The following ZNF705G variants were observed in gnomAD, a reference collection of about 807,000 sequenced individuals.
ZNF705G encodes the protein putative zinc finger protein 705G.
ZNF705G carries 23 observed loss-of-function variants against 19.6 expected under a neutral mutation model. That is an observed-to-expected ratio of 1.17 (90% CI 0.84 to 1.66). ZNF705G has a LOEUF of 1.66. Among genes scored for constraint, ZNF705G ranks in the 40% most tolerant of loss-of-function variants. The pLI is 0.00. For missense variants in ZNF705G, 457 were observed against 354.4 expected (o/e 1.29, Z -2.32); for synonymous variants, 146 against 117.7 (o/e 1.24, Z -1.56).
At chr8:7,383,530 T>C (rs1169066687) in intron 1 of ZNF705G, among the ~76,000 whole-genome samples, 2 of 146,506 alleles carry the variant, frequency 1.4e-5, no homozygotes, top group South Asian at 2.1e-4. Flanking sequence ...CATGAATGAA[T>C]AAATTGACAG....
Position 7,363,584 on chromosome 8 carries a change from G to A in ZNF705G, c.-71-567C>T, listed in dbSNP as rs1454065389. ...GCCTGTAATCCCAGCACTTTGGGAG[G>A]CCAAGGCACGTGGATCACCTGAGGT... On this transcript the variant is annotated intron_variant, in intron 2 of 6. Coordinates refer to ENST00000400156, the MANE Select transcript of ZNF705G (RefSeq NM_001164457.3). Among the ~76,000 whole-genome samples the A allele has an allele frequency of 3.3e-5, 5 of 149,646 alleles. 1 individual carries two copies. Among genetic ancestry groups the A allele is most frequent in the African/African-American group, 7.7e-5 (3 of 39,028 alleles).
chr8:7,371,927 T>C (rs1260083548), intron 2 of ZNF705G, among the ~76,000 whole-genome samples: 192 of 61,136 alleles, frequency 3.1e-3, no homozygotes, highest in African/African-American at 0.011. Context: ...TTGTTTAAGC[T>C]ACTTTGTTCA....
rs1806338831 is a variant in ZNF705G, at chr8:7,357,713, C to G, written c.*263G>C. On this transcript the variant is annotated 3_prime_UTR_variant, in exon 7 of 7. Transcript: ENST00000400156. ...AGAATAAAGGTAACTGAAGTATCTT[C>G]CATGTTGATTACAGTATTTCTTCAA... 5 of 624,280 alleles carry G rather than the reference C, an allele frequency of 8.0e-6. No homozygotes were observed. In the South Asian group the frequency reaches 1.1e-4, roughly 13 times the overall value. 38.7% of individuals were successfully genotyped at this position (624,280 alleles called of 1,614,324 possible). A position where few individuals can be genotyped will look rare whatever the true frequency, so the allele number is the denominator to read the frequency against.
intron 2 of ZNF705G, among the ~76,000 whole-genome samples, chr8:7,369,471 T>C (rs985545904): frequency 1.3e-5 from 2 of 149,616 alleles, no homozygotes; most frequent in African/African-American, 5.1e-5. Flanking sequence ...GTAGATCCAC[T>C]GTCAGCTTGC....
At chr8:7,361,267 A>G (rs1259890714) in intron 3 of ZNF705G, 31 bp from the exon 4 acceptor site, 1 of 1,592,610 alleles carries the variant, frequency 6.3e-7, no homozygotes, top group South Asian at 1.1e-5. Context: ...TAGTTTAGAC[A>G]GAGAAATTCC....
chr8:7,367,673 T>A (rs1004166170), intron 2 of ZNF705G, among the ~76,000 whole-genome samples: 1 of 149,670 alleles, frequency 6.7e-6, no homozygotes, highest in Non-Finnish European at 1.5e-5. Context: ...CCTTCAGGCA[T>A]CTGCTCGGGT....
chr8:7,371,210 C>A (rs1182755831), intron 2 of ZNF705G, among the ~76,000 whole-genome samples: 1 of 114,844 alleles, frequency 8.7e-6, no homozygotes, highest in African/African-American at 3.2e-5. Context: ...AATAGGCCAA[C>A]CACAGAATGA....
chr8:7,362,840 G>A, intron 3 of ZNF705G, 95 bp downstream of exon 3: 13 of 1,584,346 alleles, frequency 8.2e-6, no homozygotes, highest in Non-Finnish European at 1.0e-5. Context: ...AACAAAAAAA[G>A]AATAAAAATG....
Position 7,358,229 on chromosome 8 carries a change from C to G in ZNF705G, c.650G>C (p.Arg217Thr). 6.2e-7 allele frequency: 1 copy of G among 1,607,628 alleles called. No individual in the cohort carries two copies. Among genetic ancestry groups the G allele is most frequent in the Non-Finnish European group, 8.5e-7 (1 of 1,179,618 alleles). ...KAFTQCSHLR[R>T]HEKTHTGQRP... The stretch of plus-strand genomic sequence containing the variant: ...CTGTCCCGTGTGAGTTTTCTCGTGT[C>G]TTCTAAGGTGAGAACACTGAGTGAA... The change falls in exon 7 of 7, where the codon AGA becomes ACA. Residue 217 changes from arginine (R) to threonine (T), a missense_variant. By Grantham distance (71) the Arg-to-Thr change is moderately conservative. Transcript: ENST00000400156.
At position 7,358,450 on chromosome 8, in the gene ZNF705G, G is replaced by A; in HGVS notation, c.429C>T (p.Pro143=). Residue 143 remains proline (P), a synonymous_variant, in exon 7 of 7, where the codon CCC becomes CCT. Transcript: ENST00000400156. ...QCLLTHSGKK[P]YVSKQCGKSL... is the part of the protein sequence containing the mutation. ...ATTTTCCACACTGTTTGCTGACATA[G>A]GGTTTCTTTCCACTATGAGTTAACA... 6 of 1,607,640 alleles carry A rather than the reference G, an allele frequency of 3.7e-6. No homozygotes were observed. Among genetic ancestry groups the A allele is most frequent in the South Asian group, 1.1e-5 (1 of 90,708 alleles).
chr8:7,366,432 A>C (rs1443690041), intron 2 of ZNF705G, among the ~76,000 whole-genome samples: 2 of 149,762 alleles, frequency 1.3e-5, no homozygotes, highest in East Asian at 1.9e-4. Flanking sequence ...CACATTTTAA[A>C]AAAAGGAATA....
chr8:7,365,789 C>T (rs1585416143), intron 2 of ZNF705G, among the ~76,000 whole-genome samples: 1 of 149,584 alleles, frequency 6.7e-6, no homozygotes, highest in South Asian at 2.1e-4. Context: ...CCTTTCACGG[C>T]TATTTAGACA....
At chr8:7,384,963 G>C (rs1206040192) in intron 1 of ZNF705G, among the ~76,000 whole-genome samples, 1 of 145,994 alleles carries the variant, frequency 6.8e-6, no homozygotes, top group East Asian at 2.0e-4. Flanking sequence ...GCTGGGATTT[G>C]AACTATCCAC....
intron 1 of ZNF705G, among the ~76,000 whole-genome samples, chr8:7,382,310 A>G (rs1006842530): frequency 6.8e-6 from 1 of 148,078 alleles, no homozygotes; most frequent in Non-Finnish European, 1.5e-5. Flanking sequence ...TCATGATTAC[A>G]GATCCAAGTC....
intron 2 of ZNF705G, among the ~76,000 whole-genome samples, chr8:7,366,174 C>T (rs1464434806): frequency 6.4e-5 from 7 of 110,162 alleles, no homozygotes; most frequent in East Asian, 2.5e-4. Flanking sequence ...ATTATCTTGA[C>T]GGGATTGCAA....
rs937880973 is a variant in ZNF705G, at chr8:7,384,259, A to G, written c.-222+1239T>C. Among the ~76,000 whole-genome samples, 8 of 143,064 alleles carry G rather than the reference A, an allele frequency of 5.6e-5. 2 individuals carry two copies. The highest frequency in any genetic ancestry group is 2.4e-4 in the African/African-American group (8 of 33,234). The allele number at this position is 143,064 out of a possible 152,430, so 93.9% of individuals were successfully genotyped here. A position where few individuals can be genotyped will look rare whatever the true frequency, so the allele number is the denominator to read the frequency against. On this transcript the variant is annotated intron_variant, in intron 1 of 6. Transcript: ENST00000400156. ...TCCAGTGTCTCCTGTTTATTTGGTG[A>G]TGGCTATAGTGTCAACCTCCTACTG...
At chr8:7,358,969 C>T (rs1031690478) in intron 6 of ZNF705G, among the ~76,000 whole-genome samples, 1 of 149,578 alleles carries the variant, frequency 6.7e-6, no homozygotes, top group African/African-American at 2.6e-5. Context: ...CTCCCTGCCC[C>T]ATTTTGCCTA....
At chr8:7,366,839 C>G (rs1198744988) in intron 2 of ZNF705G, among the ~76,000 whole-genome samples, 16 of 149,576 alleles carry the variant, frequency 1.1e-4, no homozygotes, top group Admixed American at 1.1e-3. Context: ...ACACGATTTT[C>G]TGTGATGAAA....
intron 4 of ZNF705G, 151 bp downstream of exon 4, chr8:7,360,959 T>C (rs1173178743): frequency 1.5e-6 from 2 of 1,362,626 alleles, no homozygotes; most frequent in South Asian, 3.0e-5. Context: ...TTATTTCAGA[T>C]AGATTTAGAG....
Sources: allele counts gnomAD v4.1 joint callset (sites outside exome capture counted in the v4.1 genomes callset), GRCh38; gene constraint gnomAD v4.1.1; transcripts MANE v1.5; gene names NCBI Gene and HGNC (gene_info 2026-07-23, HGNC 2026-07-21).